The following SP2 variants were observed in gnomAD, a reference collection of about 807,000 sequenced individuals.
SP2 encodes transcription factor Sp2.
In SP2, 9 loss-of-function variants were observed where a neutral mutation model predicts 50.1. The observed-to-expected ratio is 0.18, with a 90% confidence interval of 0.11 to 0.31. The LOEUF (loss-of-function observed/expected upper bound fraction) is 0.31, where lower values mean the gene tolerates loss of function less well. Ranked by LOEUF, SP2 falls within the 10% of genes least tolerant of loss-of-function variation. SP2 has a pLI of 1.00. For synonymous variants in SP2, 313 were observed against 326.6 expected (o/e 0.96, Z 0.45); for missense variants, 581 against 806.5 (o/e 0.72, Z 3.39).
intron 3 of SP2, among the ~76,000 whole-genome samples, chr17:47,921,905 A>G (rs1200155105): frequency 6.6e-6 from 1 of 152,254 alleles, no homozygotes; most frequent in Non-Finnish European, 1.5e-5. Context: ...AGACATACCT[A>G]TGCAATGTCT....
At chr17:47,929,458 G>A (rs2035773780), downstream of SP2, among the ~76,000 whole-genome samples, 2 of 152,360 alleles carry the variant, frequency 1.3e-5, no homozygotes, top group African/African-American at 4.8e-5. Flanking sequence ...TGAAGGGCGA[G>A]GCAGGTTCCT....
At chr17:47,907,816 A>G (rs1167135341) in intron 1 of SP2, among the ~76,000 whole-genome samples, 2 of 152,206 alleles carry the variant, frequency 1.3e-5, no homozygotes, top group Non-Finnish European at 1.5e-5. Context: ...TCCAAATTGT[A>G]TATTTTAAAT....
intron 6 of SP2, among the ~76,000 whole-genome samples, chr17:47,926,318 T>G (rs1191754518): frequency 1.3e-5 from 2 of 148,758 alleles, no homozygotes; most frequent in African/African-American, 2.5e-5. Flanking sequence ...GCTTTTTGTT[T>G]TTTTTTTTTT....
At chr17:47,907,754 CCA>C (rs1398053121) in intron 1 of SP2, among the ~76,000 whole-genome samples, 2 of 152,126 alleles carry the variant, frequency 1.3e-5, no homozygotes, top group Non-Finnish European at 2.9e-5. Flanking sequence ...TCTTCGAACA[CCA>C]TTTAGGCTCG....
At chr17:47,897,853 G>C (rs1364166334) in intron 1 of SP2, 1 of 985,256 alleles carries the variant, frequency 1.0e-6, no homozygotes, top group Non-Finnish European at 1.2e-6. Context: ...TTGGGCTGAT[G>C]ATGTCAGTGT....
At chr17:47,912,527 C>T (rs1167617648) in intron 1 of SP2, among the ~76,000 whole-genome samples, 1 of 151,570 alleles carries the variant, frequency 6.6e-6, no homozygotes, top group Non-Finnish European at 1.5e-5. Context: ...TCACTGTAGC[C>T]TTGACCTCTC....
chr17:47,904,173 G>T (rs893640434), intron 1 of SP2, among the ~76,000 whole-genome samples: 2 of 150,920 alleles, frequency 1.3e-5, no homozygotes, highest in Non-Finnish European at 2.9e-5. Context: ...GCTGAGGTAG[G>T]AGAATGGCGT....
rs1465643865 is a variant in SP2, at chr17:47,928,310, C to T, written c.*486C>T. 6.4e-6 allele frequency: 1 copy of T among 156,684 alleles called. No individual in the cohort carries two copies. Among genetic ancestry groups the T allele is most frequent in the Non-Finnish European group, 1.4e-5 (1 of 70,360 alleles). The allele number at this position is 156,684 out of a possible 1,614,324, so 9.7% of individuals were successfully genotyped here. On this transcript the variant is annotated 3_prime_UTR_variant, in exon 7 of 7. Coordinates refer to ENST00000376741, the MANE Select transcript of SP2 (RefSeq NM_003110.6). ...GGAGAAACTCGGGGCCACCTCCACT[C>T]CATGTGCCCAGCCCCGCCACAACCT...
intron 1 of SP2, 100 bp downstream of exon 1, chr17:47,896,393 C>T (rs1193410904): frequency 9.5e-6 from 10 of 1,054,166 alleles, no homozygotes; most frequent in Non-Finnish European, 9.7e-6. Flanking sequence ...GGGGTTCCCC[C>T]CTGGGGCTGG....
At chr17:47,899,382 GTC>G (rs928381621) in intron 1 of SP2, 4 of 152,130 alleles carry the variant, frequency 2.6e-5, no homozygotes, top group Non-Finnish European at 5.9e-5. Flanking sequence ...TAGAGGCATA[GTC>G]TCTCTATGTC....
rs2144112370 is a variant in SP2, at chr17:47,928,300, C to T, written c.*476C>T. 1.3e-5 allele frequency: 2 copies of T among 156,194 alleles called. No individual in the cohort carries two copies. Among genetic ancestry groups the T allele is most frequent in the Admixed American group, 1.3e-4 (2 of 15,576 alleles). The allele number at this position is 156,194 out of a possible 1,614,324, so 9.7% of individuals were successfully genotyped here. A position where few individuals can be genotyped will look rare whatever the true frequency, so the allele number is the denominator to read the frequency against. On this transcript the variant is annotated 3_prime_UTR_variant, in exon 7 of 7. Coordinates refer to ENST00000376741, the MANE Select transcript of SP2 (RefSeq NM_003110.6). ...ACCCACCTCTGGAGAAACTCGGGGC[C>T]ACCTCCACTCCATGTGCCCAGCCCC... is the stretch of plus-strand genomic sequence containing the variant.
At chr17:47,902,353 G>GGC (rs1348047387) in intron 1 of SP2, among the ~76,000 whole-genome samples, 2 of 152,174 alleles carry the variant, frequency 1.3e-5, no homozygotes, top group Non-Finnish European at 2.9e-5. Flanking sequence ...TTTACTTTGA[G>GGC]TGGGAGATGG....
Position 47,923,208 on chromosome 17 carries a change from A to G in SP2, c.1306A>G (p.Met436Val), listed in dbSNP as rs2035526948. 4 of 1,612,952 alleles carry G rather than the reference A, an allele frequency of 2.5e-6. No individual in the cohort carries two copies. The highest frequency in any genetic ancestry group is 3.4e-6 in the Non-Finnish European group (4 of 1,180,030). ...AAQLAAAAQA[M>V]QTININGVQV... ...CCAGTTGGCGGCAGCTGCCCAGGCAATGCAGACCATCAACATCAATGGTGT... is the reference window on the plus strand; with the variant it reads ...CCAGTTGGCGGCAGCTGCCCAGGCAGTGCAGACCATCAACATCAATGGTGT... The change falls in exon 4 of 7, where the codon ATG becomes GTG. Residue 436 changes from methionine to valine, a missense_variant. Physicochemically the swap from Met to Val is conservative, Grantham distance 21. Coordinates refer to ENST00000376741, the MANE Select transcript of SP2 (RefSeq NM_003110.6).
chr17:47,900,425 A>G (rs1196235407), intron 1 of SP2: 2 of 152,354 alleles, frequency 1.3e-5, no homozygotes, highest in African/African-American at 4.8e-5. Context: ...AAAAAAGTAA[A>G]TGGTAAGCCA....
intron 3 of SP2, among the ~76,000 whole-genome samples, chr17:47,920,453 A>G (rs1366901153): frequency 6.6e-6 from 1 of 151,526 alleles, no homozygotes; most frequent in East Asian, 1.9e-4. Flanking sequence ...TGCCCAGCTG[A>G]TTTTTTGTAT....
At chr17:47,913,405 C>T (rs1269953632) in intron 1 of SP2, among the ~76,000 whole-genome samples, 2 of 152,062 alleles carry the variant, frequency 1.3e-5, no homozygotes, top group African/African-American at 2.4e-5. Flanking sequence ...TAAAGTAATA[C>T]CCCTCTTATT....
intron 1 of SP2, among the ~76,000 whole-genome samples, chr17:47,897,151 C>T (rs1049103189): frequency 3.3e-5 from 5 of 152,238 alleles, no homozygotes; most frequent in African/African-American, 1.2e-4. Flanking sequence ...CGCTCTCTTC[C>T]TGTACCCACC....
At chr17:47,896,845 C>T (rs1037278173) in intron 1 of SP2, among the ~76,000 whole-genome samples, 2 of 152,194 alleles carry the variant, frequency 1.3e-5, no homozygotes, top group Admixed American at 6.5e-5. Context: ...GACGACAGCC[C>T]GGTTACTGAT....
intron 1 of SP2, among the ~76,000 whole-genome samples, chr17:47,909,316 C>T (rs1054907715): frequency 5.9e-5 from 9 of 152,202 alleles, no homozygotes; most frequent in African/African-American, 2.2e-4. Flanking sequence ...TGCTGGCCCC[C>T]ATTCAGCTTA....
Sources: allele counts gnomAD v4.1 joint callset (sites outside exome capture counted in the v4.1 genomes callset), GRCh38; gene constraint gnomAD v4.1.1; transcripts MANE v1.5; gene names NCBI Gene and HGNC (gene_info 2026-07-23, HGNC 2026-07-21).